Variants in NEK2 observed in about 807,000 individuals in gnomAD.
NEK2 encodes the protein serine/threonine-protein kinase Nek2.
Under a neutral mutation model 54.1 loss-of-function variants are expected in NEK2, and 28 were observed. The ratio of observed to expected loss-of-function variants is 0.52; its 90% confidence interval spans 0.38 to 0.71. The LOEUF (loss-of-function observed/expected upper bound fraction) is 0.71. Among genes scored for constraint, NEK2 ranks in the 30% least tolerant of loss-of-function variants. NEK2 has a pLI of 0.00. For missense variants in NEK2, 407 were observed against 531.5 expected (o/e 0.77, Z 2.30); for synonymous variants, 176 against 193.1 (o/e 0.91, Z 0.73).
chr1:211,670,344 C>G lies in NEK2; in HGVS notation c.702G>C (p.Arg234Ser), dbSNP rs1655333637. 1 of 1,613,244 alleles carries G rather than the reference C, an allele frequency of 6.2e-7. No individual in the cohort carries two copies. The highest frequency in any genetic ancestry group is 1.3e-5 in the African/African-American group (1 of 74,874). Residue 234 changes from arginine (R) to serine (S), a missense_variant, in exon 5 of 8, where the codon AGG (arginine) becomes AGC (serine). Transcript: ENST00000366999. ...CATCAGAGTAACGGTATGGAATTCGCCTGAATTTGCCTTCTCTGATTTTCC... is the reference window on the plus strand; with the variant it reads ...CATCAGAGTAACGGTATGGAATTCGGCTGAATTTGCCTTCTCTGATTTTCC... ...LAGKIREGKF[R>S]RIPYRYSDEL...
chr1:211,660,941 T>C, downstream of NEK2: 1 of 746,216 alleles, frequency 1.3e-6, no homozygotes, highest in Non-Finnish European at 2.5e-6. Flanking sequence ...GAATCCGTGA[T>C]GTCATCTACC....
rs1655558692 is a variant in NEK2 at position 211,675,565 on chromosome 1, T to G, written c.-86A>C. The G allele has an allele frequency of 8.8e-7, 1 of 1,140,824 alleles. No individual in the cohort carries two copies. Among genetic ancestry groups the G allele is most frequent in the Admixed American group, 1.8e-5 (1 of 54,350 alleles). 70.7% of individuals were successfully genotyped at this position (1,140,824 alleles called of 1,614,324 possible). A position where few individuals can be genotyped will look rare whatever the true frequency, so the allele number is the denominator to read the frequency against. On this transcript the variant is annotated 5_prime_UTR_variant, in exon 1 of 8. Coordinates refer to ENST00000366999, the MANE Select transcript of NEK2 (RefSeq NM_002497.4). The stretch of plus-strand genomic sequence containing the variant: ...CCAGGGACCAGGAACTCCAGGGACC[T>G]GGATGGAGAAGCCCCCGAGCAGCAC...
chr1:211,674,155 C>G (rs545245943), intron 2 of NEK2, 141 bp downstream of exon 2: 2 of 660,452 alleles, frequency 3.0e-6, no homozygotes, highest in South Asian at 2.3e-5. Context: ...GGTGTTGATT[C>G]ACCAGGAATT....
chr1:211,667,057 T>C (rs1182993397), intron 7 of NEK2, 49 bp downstream of exon 7: 3 of 1,611,892 alleles, frequency 1.9e-6, no homozygotes, highest in South Asian at 1.1e-5. Context: ...CTGGTGCACA[T>C]TTCTTCATTT....
Position 211,673,674 on chromosome 1 carries a change from G to T in NEK2, c.364C>A (p.Leu122Met). Residue 122 changes from leucine (L) to methionine (M), a missense_variant, in exon 3 of 8, where the codon CTG becomes ATG. By Grantham distance (15) the Leu-to-Met change is conservative. Transcript: ENST00000366999. The part of the protein sequence containing the change: ...FVLRVMTQLT[L>M]ALKECHRRSD... ...CGTCTGTGGCATTCCTTCAGGGCCA[G>T]AGTCAACTGAGTCATCACTCGAAGA... 2 of 1,614,150 alleles carry T rather than the reference G, an allele frequency of 1.2e-6. No individual in the cohort carries two copies.
At chr1:211,663,846 A>C (rs1268681392) in intron 7 of NEK2, among the ~76,000 whole-genome samples, 194 bp from the exon 8 acceptor site, 1 of 152,180 alleles carries the variant, frequency 6.6e-6, no homozygotes, top group Admixed American at 6.5e-5. Context: ...AGCATTGAAA[A>C]AATAATATTG....
chr1:211,670,208 A>G, intron 5 of NEK2, 73 bp downstream of exon 5: 1 of 1,413,592 alleles, frequency 7.1e-7, no homozygotes. Flanking sequence ...CCATTGATCT[A>G]CAAGAGAGAA....
chr1:211,668,108 A>ATT (rs1655236195), intron 6 of NEK2, among the ~76,000 whole-genome samples: 1 of 152,138 alleles, frequency 6.6e-6, no homozygotes, highest in Admixed American at 6.6e-5. Context: ...AAGCTTTCTT[A>ATT]TTTTTTACAG....
Position 211,672,657 on chromosome 1 carries a change from C to T in NEK2, c.555+826G>A, listed in dbSNP as rs145621999. On this transcript the variant is annotated intron_variant, in intron 3 of 7. Coordinates refer to ENST00000366999, the MANE Select transcript of NEK2 (RefSeq NM_002497.4). ...AGAGTTCAAGAACCCACCCAGAGAT[C>T]GAAATTCACTCGATGGATTTGGGTT... Among the ~76,000 whole-genome samples, 165 of 148,044 alleles carry T rather than the reference C, an allele frequency of 1.1e-3. 2 individuals are homozygous for T. The highest frequency in any genetic ancestry group is 6.3e-3 in the East Asian group (32 of 5,094).
downstream of NEK2, chr1:211,661,222 CAT>C: frequency 1.4e-6 from 1 of 710,952 alleles, no homozygotes. Context: ...TTTTCTTGGG[CAT>C]AAGCATCTGA....
chr1:211,663,217 T>A lies in NEK2; in HGVS notation c.*209A>T. The A allele has an allele frequency of 7.5e-7, 1 of 1,339,940 alleles. No homozygotes were observed. Among genetic ancestry groups the A allele is most frequent in the South Asian group, 2.3e-5 (1 of 44,226 alleles). The allele number at this position is 1,339,940 out of a possible 1,614,324, so 83.0% of individuals were successfully genotyped here. A position where few individuals can be genotyped will look rare whatever the true frequency, so the allele number is the denominator to read the frequency against. On this transcript the variant is annotated 3_prime_UTR_variant, in exon 8 of 8. Coordinates refer to ENST00000366999, the MANE Select transcript of NEK2 (RefSeq NM_002497.4). ...CCAAGAAAGTATTCTTTTTATAATATGTTCTTAAAAGAAGAAAGAAAAATT... is the reference window on the plus strand; with the variant it reads ...CCAAGAAAGTATTCTTTTTATAATAAGTTCTTAAAAGAAGAAAGAAAAATT...
chr1:211,666,963 G>A, intron 7 of NEK2, 143 bp downstream of exon 7: 1 of 1,471,030 alleles, frequency 6.8e-7, no homozygotes, highest in Non-Finnish European at 9.0e-7. Flanking sequence ...TGTTTCCATT[G>A]AAATGCATAT....
chr1:211,674,361 G>A lies in NEK2; in HGVS notation c.249C>T (p.Tyr83=). 1.9e-6 allele frequency: 3 copies of A among 1,614,034 alleles called. No individual in the cohort carries two copies. The highest frequency in any genetic ancestry group is 2.2e-5 in the East Asian group (1 of 44,874). The change falls in exon 2 of 8, where the codon TAC becomes TAT. Residue 83 remains tyrosine (Y), a synonymous_variant. Transcript: ENST00000366999. ...RIIDRTNTTL[Y]IVMEYCEGGD... Reference sequence around the variant, plus strand: ...CTCCTTCACAATATTCCATTACAATGTACAGTGTTGTATTGGTCCGGTCAA... The same window carrying A: ...CTCCTTCACAATATTCCATTACAATATACAGTGTTGTATTGGTCCGGTCAA...
intron 5 of NEK2, 138 bp from the exon 6 acceptor site, chr1:211,669,470 T>C (rs1174709321): frequency 2.8e-6 from 2 of 714,830 alleles, no homozygotes; most frequent in Non-Finnish European, 4.6e-6. Context: ...CTTAAAAACT[T>C]GGAAAAATAA....
chr1:211,671,219 A>C lies in NEK2; in HGVS notation c.621T>G (p.Tyr207Ter), dbSNP rs780462738. 6.2e-7 allele frequency: 1 copy of C among 1,612,856 alleles called. No homozygotes were observed. Among genetic ancestry groups the C allele is most frequent in the Non-Finnish European group, 8.5e-7 (1 of 1,178,942 alleles). The change falls in exon 4 of 8, where the codon TAT becomes TAG. Residue 207 changes from tyrosine to a stop codon, truncating the protein, a stop_gained. Coordinates refer to ENST00000366999, the MANE Select transcript of NEK2 (RefSeq NM_002497.4). LOFTEE classifies it high-confidence loss of function. ...SDIWSLGCLL[Y>*]ELCALMPPFT... is the part of the protein sequence containing the mutation. The stretch of plus-strand genomic sequence containing the variant: ...ATACTTACATTAATGCACATAACTC[A>C]TACAGCAAGCAGCCCAATGACCAGA...
At chr1:211,672,858 T>C (rs1053978858) in intron 3 of NEK2, among the ~76,000 whole-genome samples, 1 of 152,120 alleles carries the variant, frequency 6.6e-6, no homozygotes, top group Non-Finnish European at 1.5e-5. Context: ...TTGAACTGAA[T>C]ATGCTTTAAT....
Position 211,663,509 on chromosome 1 carries a change from C to T in NEK2, c.1255G>A (p.Ala419Thr), listed in dbSNP as rs1382502737. 3 of 1,613,826 alleles carry T rather than the reference C, an allele frequency of 1.9e-6. No homozygotes were observed. Among genetic ancestry groups the T allele is most frequent in the South Asian group, 1.1e-5 (1 of 91,072 alleles). ...AGGGCTTGAGCCCGCAGCTGGGCAG[C>T]GTGAAGCCTTTTCTTCAGGTCCTTG... is the stretch of plus-strand genomic sequence containing the variant. ...KCKDLKKRLH[A>T]AQLRAQALSD... Residue 419 changes from alanine (A) to threonine (T), a missense_variant, in exon 8 of 8, where the codon GCT (alanine) becomes ACT (threonine). Ala to Thr is a moderately conservative substitution (Grantham distance 58). Transcript: ENST00000366999.
rs1356090201 is a variant in NEK2, at chr1:211,670,376, G to C, written c.670C>G (p.Leu224Val). ...TTGCCTTCTCTGATTTTCCCAGCGAGTTCTTTCTGGCTAAAAGCTGTAAAT... is the reference window on the plus strand; with the variant it reads ...TTGCCTTCTCTGATTTTCCCAGCGACTTCTTTCTGGCTAAAAGCTGTAAAT... ...PPFTAFSQKE[L>V]AGKIREGKFR... Residue 224 changes from leucine (L) to valine (V), a missense_variant, in exon 5 of 8, where the codon CTC (leucine) becomes GTC (valine). By Grantham distance (32) the Leu-to-Val change is conservative. Transcript: ENST00000366999. 1 of 1,613,742 alleles carries C rather than the reference G, an allele frequency of 6.2e-7. No homozygotes were observed. Among genetic ancestry groups the C allele is most frequent in the South Asian group, 1.1e-5 (1 of 91,048 alleles).
At chr1:211,667,026 T>G (rs761012004) in intron 7 of NEK2, 80 bp downstream of exon 7, 1 of 1,595,804 alleles carries the variant, frequency 6.3e-7, no homozygotes, top group South Asian at 1.2e-5. Context: ...AAGGGCTACC[T>G]AAGCCACTTT....
Sources: allele counts gnomAD v4.1 joint callset (sites outside exome capture counted in the v4.1 genomes callset), GRCh38; gene constraint gnomAD v4.1.1; transcripts MANE v1.5; gene names NCBI Gene and HGNC (gene_info 2026-07-23, HGNC 2026-07-21).